The following TMEM182 variants were observed in gnomAD, a reference collection of about 807,000 sequenced individuals.
The protein encoded by TMEM182 is transmembrane protein 182.
A neutral mutation model predicts 26.8 loss-of-function variants in TMEM182; 20 were observed. The observed-to-expected ratio is 0.75, with a 90% CI of 0.53 to 1.09. The LOEUF is 1.09. Ranked by LOEUF, TMEM182 falls within the 50% of genes least tolerant of loss-of-function variation. TMEM182 has a pLI of 0.00. For missense variants in TMEM182, 277 were observed against 275.5 expected (o/e 1.01, Z -0.04); for synonymous variants, 109 against 102.2 (o/e 1.07, Z -0.40).
chr2:102,774,511 C>T (rs549855897), intron 3 of TMEM182, among the ~76,000 whole-genome samples: 29 of 151,798 alleles, frequency 1.9e-4, no homozygotes, highest in African/African-American at 6.3e-4. Context: ...GTGATCTGCC[C>T]GCCTCAGCCT....
In TMEM182 at chr2:102,817,071, A is replaced by C. The variant is rs1682781387; in HGVS notation, c.*2103A>C. On this transcript the variant is annotated 3_prime_UTR_variant, in exon 5 of 5. Transcript: ENST00000412401. ...CATCAATCAAATACATTTCAAGCAC[A>C]TTTCTTGATCAATTTACCAGCAACC... 1 of 985,476 alleles carries C rather than the reference A, an allele frequency of 1.0e-6. No individual in the cohort carries two copies. The highest frequency in any genetic ancestry group is 1.7e-5 in the African/African-American group (1 of 57,366). The allele number at this position is 985,476 out of a possible 1,614,324, so 61.0% of individuals were successfully genotyped here. A position where few individuals can be genotyped will look rare whatever the true frequency, so the allele number is the denominator to read the frequency against.
chr2:102,772,428 C>A (rs1368280810), intron 3 of TMEM182, among the ~76,000 whole-genome samples: 2 of 152,064 alleles, frequency 1.3e-5, no homozygotes, highest in Non-Finnish European at 2.9e-5. Flanking sequence ...GACTTCCACA[C>A]TGAGTAGGGT....
chr2:102,833,035 A>G (rs762589477), intron 3 of TMEM182, among the ~76,000 whole-genome samples: 2 of 152,148 alleles, frequency 1.3e-5, no homozygotes, highest in Non-Finnish European at 2.9e-5. Context: ...TGAGCCCCTA[A>G]TGGCACACTT....
rs560772510 is a variant in TMEM182, at chr2:102,808,004, G to T, written c.470-6744G>T. 4.6e-5 allele frequency among the ~76,000 whole-genome samples: 7 copies of T among 152,212 alleles called. No homozygotes were observed. In the South Asian group the frequency reaches 1.5e-3, roughly 32 times the overall value. ...ATTGGGAGTCTTTTATGAATGCAGG[G>T]CTAAAGTCAAATCATCCTAATGGAC... is the stretch of plus-strand genomic sequence containing the variant. On this transcript the variant is annotated intron_variant, in intron 4 of 4. Coordinates refer to ENST00000412401, the MANE Select transcript of TMEM182 (RefSeq NM_144632.5).
chr2:102,766,206 A>G (rs1260393848), intron 3 of TMEM182, among the ~76,000 whole-genome samples: 5 of 152,226 alleles, frequency 3.3e-5, no homozygotes, highest in Non-Finnish European at 7.3e-5. Flanking sequence ...TCAAGGAGAT[A>G]GTGGAGAACT....
intron 4 of TMEM182, among the ~76,000 whole-genome samples, chr2:102,810,568 C>T (rs183805719): frequency 1.3e-5 from 2 of 152,150 alleles, no homozygotes; most frequent in Admixed American, 6.5e-5. Flanking sequence ...CAAAATTATA[C>T]GTTTCAATCA....
downstream of TMEM182, among the ~76,000 whole-genome samples, chr2:102,821,808 G>A (rs1682921406): frequency 6.6e-6 from 1 of 151,998 alleles, no homozygotes; most frequent in Admixed American, 6.6e-5. Context: ...CTAACATGGT[G>A]AAATCCCGTC....
intron 3 of TMEM182, among the ~76,000 whole-genome samples, chr2:102,795,259 C>CT (rs1681821124): frequency 6.6e-6 from 1 of 152,066 alleles, no homozygotes; most frequent in Non-Finnish European, 1.5e-5. Flanking sequence ...ATATCTAAAT[C>CT]ATCTTTGGTT....
chr2:102,780,071 A>G (rs1366477752), intron 3 of TMEM182, among the ~76,000 whole-genome samples: 1 of 147,116 alleles, frequency 6.8e-6, no homozygotes, highest in Non-Finnish European at 1.5e-5. Flanking sequence ...TTTTTGTATC[A>G]TGGCTATTTC....
chr2:102,799,945 A>T (rs1364012122), intron 4 of TMEM182, among the ~76,000 whole-genome samples: 2 of 151,796 alleles, frequency 1.3e-5, no homozygotes, highest in Non-Finnish European at 2.9e-5. Context: ...TCAGAGAAAA[A>T]CTTTTGCTCC....
intron 3 of TMEM182, among the ~76,000 whole-genome samples, chr2:102,824,895 T>C (rs561313550): frequency 3.0e-4 from 46 of 152,324 alleles, no homozygotes; most frequent in African/African-American, 9.1e-4. Flanking sequence ...GAAAGTTTCC[T>C]GAGGCTTCCC....
At chr2:102,789,704 T>C (rs1681553599) in intron 3 of TMEM182, among the ~76,000 whole-genome samples, 1 of 152,236 alleles carries the variant, frequency 6.6e-6, no homozygotes, top group South Asian at 2.1e-4. Flanking sequence ...ACAGGGATAC[T>C]CTGATACCAG....
chr2:102,836,197 T>C (rs1683243748), intron 3 of TMEM182, among the ~76,000 whole-genome samples: 1 of 152,218 alleles, frequency 6.6e-6, no homozygotes, highest in Non-Finnish European at 1.5e-5. Context: ...GCAATAGACA[T>C]CCATGTGCAG....
intron 3 of TMEM182, among the ~76,000 whole-genome samples, chr2:102,828,879 G>A (rs567992578): frequency 6.6e-6 from 1 of 152,268 alleles, no homozygotes; most frequent in African/African-American, 2.4e-5. Flanking sequence ...AAGACTGTAA[G>A]GCTAAACAGT....
At chr2:102,812,994 C>A (rs1013403495) in intron 4 of TMEM182, among the ~76,000 whole-genome samples, 1 of 152,058 alleles carries the variant, frequency 6.6e-6, no homozygotes, top group Admixed American at 6.6e-5. Flanking sequence ...AAGGAGTTTG[C>A]TTGCAGGCTG....
upstream of TMEM182, among the ~76,000 whole-genome samples, chr2:102,760,695 A>G (rs191904436): frequency 2.0e-5 from 3 of 151,920 alleles, no homozygotes; most frequent in Non-Finnish European, 4.4e-5. Flanking sequence ...GCTCACTGCA[A>G]CCTCAACCTC....
intron 3 of TMEM182, among the ~76,000 whole-genome samples, chr2:102,783,294 T>G (rs1459509954): frequency 1.3e-5 from 2 of 152,230 alleles, no homozygotes; most frequent in Non-Finnish European, 1.5e-5. Flanking sequence ...GCTGGTTTTT[T>G]CAAATAGAAA....
At chr2:102,839,023 C>G (rs1683300961) in intron 3 of TMEM182, among the ~76,000 whole-genome samples, 1 of 152,178 alleles carries the variant, frequency 6.6e-6, no homozygotes, top group African/African-American at 2.4e-5. Context: ...CATCAAGACA[C>G]TAGTAGTAAT....
chr2:102,777,551 A>T (rs1039869474), intron 3 of TMEM182, among the ~76,000 whole-genome samples: 1 of 152,026 alleles, frequency 6.6e-6, no homozygotes, highest in Non-Finnish European at 1.5e-5. Context: ...GATAGTAAGT[A>T]TTGAAGGTGG....
Sources: gnomAD v4.1 joint callset for allele counts (sites outside exome capture counted in the v4.1 genomes callset) on GRCh38, gnomAD v4.1.1 for gene constraint, MANE v1.5 for transcripts, NCBI Gene and HGNC (gene_info 2026-07-23, HGNC 2026-07-21) for gene names.